ANK2: variants seen among roughly 807,000 people sequenced by gnomAD.
ANK2 encodes ankyrin-2.
ANK2 carries 83 observed loss-of-function variants against 360.5 expected under a neutral mutation model. The observed-to-expected ratio is 0.23, with a 90% CI of 0.19 to 0.28. The LOEUF (loss-of-function observed/expected upper bound fraction) is 0.28. Ranked by LOEUF, ANK2 falls within the 10% of genes least tolerant of loss-of-function variation. The pLI is 1.00. For synonymous variants in ANK2, 1,740 were observed against 1,759.5 expected, an observed-to-expected ratio of 0.99 and a Z score of 0.28; for missense variants, 4,201 against 4,795.7, an observed-to-expected ratio of 0.88 and a Z score of 3.66.
intron 1 of ANK2, among the ~76,000 whole-genome samples, chr4:112,831,681 C>T (rs922615284): frequency 6.6e-6 from 1 of 152,200 alleles, no homozygotes; most frequent in East Asian, 1.9e-4. Context: ...CTCTTTCATG[C>T]TGTGGAAGCT....
At chr4:113,039,688 G>T (rs1242354974) in intron 2 of ANK2, among the ~76,000 whole-genome samples, 1 of 151,912 alleles carries the variant, frequency 6.6e-6, no homozygotes, top group Non-Finnish European at 1.5e-5. Flanking sequence ...TTAGTTCAAA[G>T]TGCCTAACTG....
intron 1 of ANK2, among the ~76,000 whole-genome samples, chr4:113,162,141 G>C (rs991968688): frequency 2.6e-5 from 4 of 152,086 alleles, no homozygotes; most frequent in Admixed American, 6.5e-5. Context: ...GCAAAAGCTA[G>C]AAGTCTCCAA....
At position 112,861,839 on chromosome 4, in the gene ANK2, C is replaced by CAGAGAGAGAGAGAGAGAGAGAGAGAG. The variant is rs141841376; in HGVS notation, c.-39-42612_-39-42587dup. On this transcript the variant is annotated intron_variant, in intron 1 of 30. Coordinates refer to the ANK2 transcript ENST00000503271. ...CAACAAAAATGTGGCTACATAGAGA[C>CAGAGAGAGAGAGAGAGAGAGAGAGAG]AGAGAGAGAGAGAGAGAGAGAGAGA... Among the ~76,000 whole-genome samples, 100 of 140,464 alleles carry CAGAGAGAGAGAGAGAGAGAGAGAGAG rather than the reference C, an allele frequency of 7.1e-4. 1 individual carries two copies. Among genetic ancestry groups the CAGAGAGAGAGAGAGAGAGAGAGAGAG allele is most frequent in the South Asian group, 1.6e-3 (7 of 4,410 alleles). 92.1% of individuals were successfully genotyped at this position (140,464 alleles called of 152,430 possible).
intron 4 of ANK2, among the ~76,000 whole-genome samples, chr4:113,201,104 A>C (rs2098824077): frequency 6.6e-6 from 1 of 152,144 alleles, no homozygotes; most frequent in South Asian, 2.1e-4. Flanking sequence ...GTAAATACCC[A>C]AAGTGGTATT....
At chr4:113,336,814 T>G in intron 31 of ANK2, 33 bp downstream of exon 31, 1 of 1,603,554 alleles carries the variant, frequency 6.2e-7, no homozygotes, top group Non-Finnish European at 8.5e-7. Flanking sequence ...CGTAGAGAGT[T>G]CTGAAAAAAG....
At chr4:113,227,307 G>T (rs1189126834) in intron 4 of ANK2, among the ~76,000 whole-genome samples, 1 of 152,090 alleles carries the variant, frequency 6.6e-6, no homozygotes, top group Non-Finnish European at 1.5e-5. Context: ...CATCTTTTAT[G>T]TACACTATTG....
intron 23 of ANK2, 146 bp downstream of exon 23, chr4:113,302,985 T>C: frequency 1.3e-6 from 1 of 767,222 alleles, no homozygotes; most frequent in South Asian, 1.5e-5. Context: ...TCAATACATT[T>C]ACTTTTGCCA....
intron 1 of ANK2, among the ~76,000 whole-genome samples, chr4:113,150,676 G>A (rs1039596024): frequency 2.0e-4 from 30 of 152,150 alleles, no homozygotes; most frequent in Admixed American, 3.9e-4. Flanking sequence ...TGACAACTCA[G>A]CCTCAGAGGG....
intron 1 of ANK2, among the ~76,000 whole-genome samples, chr4:112,850,256 CT>C (rs2064378247): frequency 4.6e-5 from 5 of 107,602 alleles, no homozygotes; most frequent in South Asian, 3.5e-4. Flanking sequence ...TTTCATCTAT[CT>C]ATCTATCTAT....
intron 2 of ANK2, among the ~76,000 whole-genome samples, chr4:112,974,019 A>G (rs1054044036): frequency 6.6e-6 from 1 of 152,252 alleles, no homozygotes; most frequent in Non-Finnish European, 1.5e-5. Flanking sequence ...TGAAACACAT[A>G]AATTGTTTGC....
intron 24 of ANK2, among the ~76,000 whole-genome samples, chr4:113,312,329 G>T (rs1489780852): frequency 6.6e-6 from 1 of 151,868 alleles, no homozygotes; most frequent in Non-Finnish European, 1.5e-5. Flanking sequence ...AGTGTAATGT[G>T]TTCTGCTAAT....
rs2096169607 is a variant in ANK2 at position 113,360,838 on chromosome 4, A to C, written c.10697A>C (p.Gln3566Pro). 1 of 1,612,648 alleles carries C rather than the reference A, an allele frequency of 6.2e-7. No homozygotes were observed. Residue 3566 changes from glutamine (Q) to proline (P), a missense_variant, in exon 39 of 46, where the codon CAG (glutamine) becomes CCG (proline). Around this residue, in one of 4 missense-constraint regions of ANK2, gnomAD observed 2,642 missense variants for 2,714.5 expected, o/e 0.97. Coordinates refer to ENST00000357077, the MANE Select transcript of ANK2 (RefSeq NM_001148.6). The stretch of plus-strand genomic sequence containing the variant: ...CCTTCTCCAGATCCACAGGATGAGC[A>C]GGAACGGATCGAGGAAAGGCTGGCT... ...HDHAEDPQDEQERIEERLAYI... is the reference protein window; with the variant it reads ...HDHAEDPQDEPERIEERLAYI...
chr4:112,922,866 G>A (rs1428908826), intron 2 of ANK2, among the ~76,000 whole-genome samples: 1 of 152,112 alleles, frequency 6.6e-6, no homozygotes, highest in Non-Finnish European at 1.5e-5. Flanking sequence ...TACAGTAGAA[G>A]AGGAAATAAA....
intron 2 of ANK2, among the ~76,000 whole-genome samples, chr4:113,043,010 T>C (rs1305466780): frequency 6.6e-6 from 1 of 152,152 alleles, no homozygotes; most frequent in African/African-American, 2.4e-5. Context: ...AAAAAGATTA[T>C]CTAGTTCATG....
chr4:112,882,445 A>G (rs1012558756), intron 1 of ANK2: 3 of 151,268 alleles, frequency 2.0e-5, no homozygotes, highest in African/African-American at 7.3e-5. Context: ...TTAAAAAAAA[A>G]TATTACTAGT....
intron 2 of ANK2, among the ~76,000 whole-genome samples, chr4:112,931,435 T>C (rs1222759114): frequency 1.4e-5 from 1 of 72,814 alleles, no homozygotes; most frequent in Non-Finnish European, 2.4e-5. Context: ...TTTCTTTTCT[T>C]TTTTTTTTTT....
At chr4:113,123,902 C>T (rs1275447625) in intron 1 of ANK2, among the ~76,000 whole-genome samples, 1 of 151,800 alleles carries the variant, frequency 6.6e-6, no homozygotes, top group African/African-American at 2.4e-5. Context: ...ATAGGAGACA[C>T]CCTGGCAACT....
chr4:113,152,095 G>GAAAAAAGA (rs1562447743), intron 1 of ANK2, among the ~76,000 whole-genome samples: 5 of 130,604 alleles, frequency 3.8e-5, no homozygotes, highest in African/African-American at 1.4e-4. Flanking sequence ...AAAAAAAAAA[G>GAAAAAAGA]AAAAAAGAAG....
At chr4:113,347,371 G>A (rs968636608) in intron 35 of ANK2, among the ~76,000 whole-genome samples, 7 of 152,112 alleles carry the variant, frequency 4.6e-5, no homozygotes, top group African/African-American at 1.7e-4. Flanking sequence ...GTATTTTGGG[G>A]TTTGTATTGC....
Sources: gnomAD v4.1 joint callset for allele counts (sites outside exome capture counted in the v4.1 genomes callset) on GRCh38, gnomAD v4.1.1 for gene constraint, gnomAD v4.1.1 regional missense constraint, MANE v1.5 for transcripts, NCBI Gene and HGNC (gene_info 2026-07-23, HGNC 2026-07-21) for gene names.